Variants in FREM1 observed in about 807,000 individuals in gnomAD.
FREM1 encodes the protein FRAS1-related extracellular matrix protein 1.
A neutral mutation model predicts 210.1 loss-of-function variants in FREM1; 220 were observed. The observed-to-expected ratio is 1.05, with a 90% CI of 0.94 to 1.17. FREM1 has a LOEUF of 1.17. Ranked by LOEUF, FREM1 falls within the 50% of genes most tolerant of loss-of-function variation. FREM1 has a pLI of 0.00. For missense variants in FREM1, 3,454 were observed against 2,675.5 expected (o/e 1.29, Z -6.42); for synonymous variants, 1,189 against 980.2 (o/e 1.21, Z -3.98).
At chr9:14,860,592 TAC>T (rs1416966469) in intron 3 of FREM1, among the ~76,000 whole-genome samples, 4 of 103,682 alleles carry the variant, frequency 3.9e-5, no homozygotes, top group South Asian at 2.6e-4. Flanking sequence ...CACATATATA[TAC>T]ATATATACAC....
At chr9:14,747,131 C>CA in intron 33 of FREM1, 80 bp from the exon 34 acceptor site, 1 of 1,598,156 alleles carries the variant, frequency 6.3e-7, no homozygotes, top group East Asian at 2.2e-5. Context: ...TTTGGGTCTT[C>CA]ATTTGTTGGG....
At chr9:14,740,403 G>T (rs767819610) in intron 35 of FREM1, among the ~76,000 whole-genome samples, 169 bp from the exon 36 acceptor site, 1 of 152,190 alleles carries the variant, frequency 6.6e-6, no homozygotes, top group Non-Finnish European at 1.5e-5. Flanking sequence ...TATCTGCAGG[G>T]TGGGGGTAGG....
intron 3 of FREM1, among the ~76,000 whole-genome samples, chr9:14,861,110 C>CATATATATACATATATACAT (rs1830285378): frequency 1.3e-5 from 1 of 79,574 alleles, no homozygotes; most frequent in African/African-American, 5.9e-5. Context: ...CATATATACA[C>CATATATATACATATATACAT]ATATATATAC....
chr9:14,860,565 A>ATGTG lies in FREM1; in HGVS notation c.330-1082_330-1081insCACA, dbSNP rs1564098858. 1.9e-3 allele frequency among the ~76,000 whole-genome samples: 242 copies of ATGTG among 125,826 alleles called. 1 individual carries two copies. Among genetic ancestry groups the ATGTG allele is most frequent in the African/African-American group, 7.8e-3 (233 of 29,852 alleles). The allele number at this position is 125,826 out of a possible 152,430, so 82.5% of individuals were successfully genotyped here. A position where few individuals can be genotyped will look rare whatever the true frequency, so the allele number is the denominator to read the frequency against. On this transcript the variant is annotated intron_variant, in intron 3 of 36. Coordinates refer to ENST00000380880, the MANE Select transcript of FREM1 (RefSeq NM_001379081.2). ...TATACACATATATATACACACATATATATACACATATATATACACATATAT... is the reference window on the plus strand; with the variant it reads ...TATACACATATATATACACACATATATGTGTATACACATATATATACACATATAT...
chr9:14,833,706 A>G (rs1239359209), intron 10 of FREM1, among the ~76,000 whole-genome samples: 2 of 152,250 alleles, frequency 1.3e-5, no homozygotes, highest in East Asian at 1.9e-4. Context: ...GCTCAGCTTA[A>G]TTAAGAGTGG....
chr9:14,860,942 T>C lies in FREM1; in HGVS notation c.330-1458A>G, dbSNP rs544000329. 3.2e-5 allele frequency among the ~76,000 whole-genome samples: 4 copies of C among 123,906 alleles called. 1 individual carries two copies. In the South Asian group the frequency reaches 9.7e-4, roughly 30 times the overall value. The allele number at this position is 123,906 out of a possible 152,430, so 81.3% of individuals were successfully genotyped here. On this transcript the variant is annotated intron_variant, in intron 3 of 36. Coordinates refer to ENST00000380880, the MANE Select transcript of FREM1 (RefSeq NM_001379081.2). ...ACACATATATACACATATACACACATATACACATATACACATATATACACA... is the reference window on the plus strand; with the variant it reads ...ACACATATATACACATATACACACACATACACATATACACATATATACACA...
At position 14,792,728 on chromosome 9, in the gene FREM1, T is replaced by G; in HGVS notation, c.3981+15A>C. 1.3e-6 allele frequency: 2 copies of G among 1,570,484 alleles called. No homozygotes were observed. Among genetic ancestry groups the G allele is most frequent in the Non-Finnish European group, 1.7e-6 (2 of 1,161,360 alleles). Reference sequence around the variant, plus strand: ...CTACGTTAGTTTTGAAAAATAAAAGTAAGAAGTCACTAACCTTAAGCTGAA... The same window carrying G: ...CTACGTTAGTTTTGAAAAATAAAAGGAAGAAGTCACTAACCTTAAGCTGAA... On this transcript the variant is annotated intron_variant, in intron 22 of 36. Transcript: ENST00000380880.
At chr9:14,747,136 G>T (rs145607985) in intron 33 of FREM1, 85 bp from the exon 34 acceptor site, 293 of 1,591,348 alleles carry the variant, frequency 1.8e-4, no homozygotes, top group Non-Finnish European at 2.4e-4. Flanking sequence ...GTCTTCATTT[G>T]TTGGGAAGCA....
chr9:14,756,411 G>T lies in FREM1; in HGVS notation c.5370C>A (p.Phe1790Leu). The T allele has an allele frequency of 6.2e-7, 1 of 1,602,144 alleles. No individual in the cohort carries two copies. The highest frequency in any genetic ancestry group is 1.7e-5 in the Admixed American group (1 of 58,872). Residue 1790 changes from phenylalanine (F) to leucine (L), a missense_variant, in exon 29 of 37, where the codon TTC (phenylalanine) becomes TTA (leucine). Phe to Leu is a conservative substitution (Grantham distance 22, BLOSUM62 0). Transcript: ENST00000380880. ...NQVSAAVGKDFTVIPSKLIQF... is the reference protein window; with the variant it reads ...NQVSAAVGKDLTVIPSKLIQF... Reference sequence around the variant, plus strand: ...GAATCAGTTTAGATGGAATCACGGTGAAATCTTTTCCAACTGCAGCTGACA... The same window carrying T: ...GAATCAGTTTAGATGGAATCACGGTTAAATCTTTTCCAACTGCAGCTGACA...
chr9:14,815,031 T>C (rs1048490416), intron 15 of FREM1, among the ~76,000 whole-genome samples: 3 of 152,244 alleles, frequency 2.0e-5, no homozygotes, highest in Non-Finnish European at 4.4e-5. Flanking sequence ...ACTGTCCTTT[T>C]TGAAGCTGCA....
At chr9:14,885,659 C>A (rs965194238) in intron 1 of FREM1, among the ~76,000 whole-genome samples, 2 of 152,258 alleles carry the variant, frequency 1.3e-5, no homozygotes, top group East Asian at 1.9e-4. Flanking sequence ...TGGTCTCAAG[C>A]TATTCTTCCA....
chr9:14,822,852 C>A (rs1821634863), intron 13 of FREM1, among the ~76,000 whole-genome samples: 1 of 152,042 alleles, frequency 6.6e-6, no homozygotes, highest in African/African-American at 2.4e-5. Flanking sequence ...ATAATTTAAT[C>A]CCCTTCCCTT....
intron 18 of FREM1, 76 bp downstream of exon 18, chr9:14,806,585 A>C: frequency 3.4e-6 from 3 of 879,522 alleles, no homozygotes; most frequent in Non-Finnish European, 5.5e-6. Flanking sequence ...TTACAAAGTT[A>C]TTAAGCATGA....
At chr9:14,785,546 C>G (rs1159342744) in intron 23 of FREM1, among the ~76,000 whole-genome samples, 2 of 152,148 alleles carry the variant, frequency 1.3e-5, no homozygotes, top group Non-Finnish European at 2.9e-5. Context: ...AAGTGCCTCT[C>G]AACAGATGAG....
chr9:14,751,830 C>A (rs984873146), intron 29 of FREM1: 8 of 151,878 alleles, frequency 5.3e-5, no homozygotes, highest in African/African-American at 1.7e-4. Context: ...GTGAAGCTAT[C>A]CACTTCTTCT....
chr9:14,763,210 C>A (rs547919298), intron 27 of FREM1, among the ~76,000 whole-genome samples: 15 of 152,246 alleles, frequency 9.9e-5, no homozygotes, highest in African/African-American at 3.6e-4. Context: ...TTCTTTGTTG[C>A]GGGAGGCTGT....
intron 16 of FREM1, among the ~76,000 whole-genome samples, chr9:14,808,411 T>C (rs1056700604): frequency 6.6e-6 from 1 of 152,198 alleles, no homozygotes; most frequent in African/African-American, 2.4e-5. Flanking sequence ...TCTGACAGTT[T>C]ATGAATGAGC....
At position 14,806,817 on chromosome 9, in the gene FREM1, A is replaced by G. The variant is rs1431499817; in HGVS notation, c.3118T>C (p.Ser1040Pro). 6.2e-7 allele frequency: 1 copy of G among 1,606,094 alleles called. No individual in the cohort carries two copies. Among genetic ancestry groups the G allele is most frequent in the Non-Finnish European group, 8.5e-7 (1 of 1,175,798 alleles). Reference protein sequence around the residue: ...GPVFVVDEGCSTALTVNHLSA... With the variant: ...GPVFVVDEGCPTALTVNHLSA... ...AAATGGTTAACAGTAAGGGCTGTTG[A>G]GCAGCCCTCATCTACAACAAACACG... Residue 1040 changes from serine (S) to proline (P), a missense_variant, in exon 18 of 37, where the codon TCA (serine) becomes CCA (proline). Ser to Pro is a moderately conservative substitution (Grantham distance 74). Transcript: ENST00000380880.
Position 14,867,207 on chromosome 9 carries a change from C to G in FREM1, c.234+1537G>C, listed in dbSNP as rs761931905. The stretch of plus-strand genomic sequence containing the variant: ...TCCCTGTAGTTGGGTCTCTATCACC[C>G]ACTCCTGAGCTTATTTGTATTGCTT... On this transcript the variant is annotated intron_variant, in intron 2 of 36. Coordinates refer to ENST00000380880, the MANE Select transcript of FREM1 (RefSeq NM_001379081.2). Among the ~76,000 whole-genome samples the G allele has an allele frequency of 1.4e-4, 21 of 152,262 alleles. 1 individual carries two copies. The highest frequency in any genetic ancestry group is 4.6e-4 in the Admixed American group (7 of 15,286).
Sources: gnomAD v4.1 joint callset for allele counts (sites outside exome capture counted in the v4.1 genomes callset) on GRCh38, gnomAD v4.1.1 for gene constraint, MANE v1.5 for transcripts, NCBI Gene and HGNC (gene_info 2026-07-23, HGNC 2026-07-21) for gene names.